Variants in OR1L8 observed in about 807,000 individuals in gnomAD.
OR1L8 encodes olfactory receptor 1L8.
For synonymous variants in OR1L8, 148 were observed against 147.0 expected, an observed-to-expected ratio of 1.01 and a Z score of -0.05; for missense variants, 330 against 377.4, an observed-to-expected ratio of 0.87 and a Z score of 1.04.
At chr9:122,560,130 G>A in the OR1L8 span, among the ~76,000 whole-genome samples, 2 of 151,888 alleles carry the variant, frequency 1.3e-5, no homozygotes, top group South Asian at 4.2e-4. Flanking sequence ...AATCTGTTTT[G>A]TCAGAGACTA....
chr9:122,574,514 A>G (rs1261426907), intron 3 of OR1L8, among the ~76,000 whole-genome samples: 2 of 152,122 alleles, frequency 1.3e-5, no homozygotes, highest in African/African-American at 2.4e-5. Flanking sequence ...TATTTAAGAG[A>G]ACAATGGCTT....
At chr9:122,554,188 A>G in the OR1L8 span, 1 of 1,556,070 alleles carries the variant, frequency 6.4e-7, no homozygotes, top group Admixed American at 1.8e-5. Flanking sequence ...GTGATGTCTA[A>G]TCTTGATCAA....
At chr9:122,573,210 C>G (rs2118731176) in intron 3 of OR1L8, among the ~76,000 whole-genome samples, 1 of 152,286 alleles carries the variant, frequency 6.6e-6, no homozygotes, top group South Asian at 2.1e-4. Flanking sequence ...TGTGATCTCC[C>G]TCAGCAAAGA....
intron 3 of OR1L8, among the ~76,000 whole-genome samples, chr9:122,574,811 T>A (rs1829621185): frequency 2.0e-5 from 3 of 152,100 alleles, no homozygotes; most frequent in Non-Finnish European, 4.4e-5. Context: ...TCATGTATAA[T>A]GTTAGTTGTA....
chr9:122,578,652 G>T (rs1248018577), intron 1 of OR1L8, among the ~76,000 whole-genome samples: 1 of 151,906 alleles, frequency 6.6e-6, no homozygotes, highest in East Asian at 1.9e-4. Flanking sequence ...GGCATTCACG[G>T]CAACCTGGAT....
chr9:122,556,603 G>T, the OR1L8 span, among the ~76,000 whole-genome samples: 1 of 152,058 alleles, frequency 6.6e-6, no homozygotes, highest in African/African-American at 2.4e-5. Flanking sequence ...GTTGAAAGGT[G>T]CAGCAAACCA....
chr9:122,571,793 C>G (rs1409454006), intron 4 of OR1L8, among the ~76,000 whole-genome samples: 3 of 151,794 alleles, frequency 2.0e-5, no homozygotes, highest in Non-Finnish European at 4.4e-5. Flanking sequence ...TGGACAGTGC[C>G]TTGGACTTGA....
At chr9:122,554,626 TAAC>T in the OR1L8 span, among the ~76,000 whole-genome samples, 11 of 152,320 alleles carry the variant, frequency 7.2e-5, no homozygotes, top group East Asian at 3.9e-4. Context: ...CTAAATAACT[TAAC>T]AAGTCAATTT....
the OR1L8 span, chr9:122,553,432 C>A: frequency 8.7e-6 from 14 of 1,614,176 alleles, no homozygotes; most frequent in Middle Eastern, 1.7e-4. Context: ...TTAACTGATG[C>A]CTGTTTCACT....
the OR1L8 span, among the ~76,000 whole-genome samples, chr9:122,555,206 G>A: frequency 1.4e-4 from 22 of 151,990 alleles, no homozygotes; most frequent in African/African-American, 5.1e-4. Context: ...AAGTTCATCC[G>A]GGGCCAAATT....
the OR1L8 span, among the ~76,000 whole-genome samples, chr9:122,557,992 C>T: frequency 4.0e-5 from 6 of 151,876 alleles, no homozygotes; most frequent in Non-Finnish European, 7.4e-5. Context: ...TGTTTGTGGG[C>T]ACAGATTTGT....
At chr9:122,553,143 A>C in the OR1L8 span, 135 of 1,540,050 alleles carry the variant, frequency 8.8e-5, no homozygotes, top group Non-Finnish European at 1.0e-4. Flanking sequence ...ATATCTGTAA[A>C]TTGATCTAAT....
chr9:122,557,463 T>C, the OR1L8 span, among the ~76,000 whole-genome samples: 1 of 152,110 alleles, frequency 6.6e-6, no homozygotes, highest in Admixed American at 6.5e-5. Flanking sequence ...TCTATTTATA[T>C]TATTATGTAG....
At chr9:122,547,632 T>C in the OR1L8 span, among the ~76,000 whole-genome samples, 1 of 151,414 alleles carries the variant, frequency 6.6e-6, no homozygotes, top group African/African-American at 2.4e-5. Context: ...TGTGTGTGTG[T>C]GTGTGTGTGT....
At chr9:122,575,201 G>A (rs773182056) in intron 3 of OR1L8, among the ~76,000 whole-genome samples, 5 of 151,994 alleles carry the variant, frequency 3.3e-5, no homozygotes, top group African/African-American at 1.2e-4. Context: ...TGTTGGCTTC[G>A]TAGAATGAAT....
At chr9:122,579,673 G>A (rs1588220808) in intron 1 of OR1L8, among the ~76,000 whole-genome samples, 1 of 152,138 alleles carries the variant, frequency 6.6e-6, no homozygotes, top group Non-Finnish European at 1.5e-5. Context: ...ATATACATAA[G>A]CATAAGGGGT....
the OR1L8 span, among the ~76,000 whole-genome samples, chr9:122,557,738 T>C: frequency 6.6e-6 from 1 of 152,044 alleles, no homozygotes; most frequent in Non-Finnish European, 1.5e-5. Context: ...AGCTAAAAGT[T>C]CTTTCTTACT....
chr9:122,564,896 C>T (rs1351667311), downstream of OR1L8, among the ~76,000 whole-genome samples: 1 of 152,218 alleles, frequency 6.6e-6, no homozygotes, highest in African/African-American at 2.4e-5. Flanking sequence ...AATTCTCGAC[C>T]ACTTGTCCTT....
intron 1 of OR1L8, among the ~76,000 whole-genome samples, chr9:122,578,651 G>A (rs1048420041): frequency 6.6e-5 from 10 of 151,844 alleles, no homozygotes; most frequent in Non-Finnish European, 1.3e-4. Flanking sequence ...TGGCATTCAC[G>A]GCAACCTGGA....
Sources: gnomAD v4.1 joint callset for allele counts (sites outside exome capture counted in the v4.1 genomes callset) on GRCh38, gnomAD v4.1.1 for gene constraint, MANE v1.5 for transcripts, NCBI Gene and HGNC (gene_info 2026-07-23, HGNC 2026-07-21) for gene names.